Variants in UBR4 observed in about 807,000 individuals in gnomAD.
The protein encoded by UBR4 is E3 ubiquitin-protein ligase UBR4.
In UBR4, 124 loss-of-function variants were observed where a neutral mutation model predicts 575.6. The ratio of observed to expected loss-of-function variants is 0.22; its 90% CI spans 0.19 to 0.25. UBR4 has a LOEUF of 0.25. Among genes scored for constraint, UBR4 ranks in the 10% least tolerant of loss-of-function variants. The pLI, the probability that UBR4 is intolerant of heterozygous loss-of-function variation, is 1.00. For synonymous variants in UBR4, 2,455 were observed against 2,473.7 expected (o/e 0.99, Z 0.22); for missense variants, 4,818 against 6,478.8 (o/e 0.74, Z 8.80).
Position 19,117,904 on chromosome 1 carries a change from C to A in UBR4, c.10548G>T (p.Leu3516Phe). 6.2e-7 allele frequency: 1 copy of A among 1,614,132 alleles called. No homozygotes were observed. The highest frequency in any genetic ancestry group is 8.5e-7 in the Non-Finnish European group (1 of 1,179,972). Residue 3516 changes from leucine to phenylalanine, a missense_variant, in exon 72 of 106, where the codon TTG becomes TTT. This residue lies in a region of UBR4 where 550 missense variants were observed against 791.5 expected (regional missense o/e 0.69). Transcript: ENST00000375254. This position sits in a 1 kb window ranked among gnomAD's most constrained non-coding sequence, Gnocchi z 4.0. Reference protein sequence around the residue: ...NHPNSNIYNTLSGLVEFDGYY... With the variant: ...NHPNSNIYNTFSGLVEFDGYY... ...AGCCATCAAACTCCACTAAGCCAGA[C>A]AAAGTGCTAAGGAAGAAACCAGTCT... is the stretch of plus-strand genomic sequence containing the variant.
At chr1:19,132,019 G>A (rs747582932) in intron 60 of UBR4, among the ~76,000 whole-genome samples, 2 of 152,178 alleles carry the variant, frequency 1.3e-5, no homozygotes, top group Non-Finnish European at 2.9e-5. Flanking sequence ...TATCCCATGG[G>A]CCAAAGACTA....
intron 77 of UBR4, 81 bp downstream of exon 77, chr1:19,113,616 TGA>T: frequency 6.4e-7 from 1 of 1,573,916 alleles, no homozygotes; most frequent in Non-Finnish European, 8.6e-7. Flanking sequence ...GACTGCTAGA[TGA>T]GAGAGCAGCA....
In UBR4 at chr1:19,117,417, A is replaced by G; in HGVS notation, c.10630-3T>C. 1 of 1,613,994 alleles carries G rather than the reference A, an allele frequency of 6.2e-7. No individual in the cohort carries two copies. On this transcript the variant is annotated splice_polypyrimidine_tract_variant and splice_region_variant and intron_variant, in intron 72 of 105. Coordinates refer to ENST00000375254, the MANE Select transcript of UBR4 (RefSeq NM_020765.3). The surrounding 1 kb of genome is among the most constrained non-coding windows in gnomAD (Gnocchi z 4.0). ...TTAATGGAAGACAGCTTGATATACT[A>G]AATACAAGAGTTCACAAAACATGGT...
At chr1:19,116,185 T>C (rs946978791) in intron 73 of UBR4, among the ~76,000 whole-genome samples, 1 of 152,244 alleles carries the variant, frequency 6.6e-6, no homozygotes, top group Admixed American at 6.5e-5. Flanking sequence ...ACCTGACACA[T>C]ACTAACTCAT....
Position 19,139,009 on chromosome 1 carries a change from A to C in UBR4, c.8731+74T>G. 6.7e-7 allele frequency: 1 copy of C among 1,489,468 alleles called. No individual in the cohort carries two copies. The highest frequency in any genetic ancestry group is 1.4e-5 in the South Asian group (1 of 73,668). 92.3% of individuals were successfully genotyped at this position (1,489,468 alleles called of 1,614,324 possible). A position where few individuals can be genotyped will look rare whatever the true frequency, so the allele number is the denominator to read the frequency against. ...CTTTTCTTTGCAAAAACCAACCCCA[A>C]GACCCAAGCAGAGATTCCTGTTTTG... On this transcript the variant is annotated intron_variant, in intron 59 of 105. Transcript: ENST00000375254. The surrounding 1 kb of genome is among the most constrained non-coding windows in gnomAD (Gnocchi z 4.2).
rs368227281 is a variant in UBR4 at position 19,177,560 on chromosome 1, A to G, written c.2538T>C (p.Ala846=). 6.2e-6 allele frequency: 10 copies of G among 1,613,976 alleles called. No individual in the cohort carries two copies. In the African/African-American group the frequency reaches 9.3e-5, roughly 15 times the overall value. ...AGATAAGCGGCACGAAGCGCATCTG[A>G]GCATCCATGTTGACGCTCAACTCCT... ...IIQELSVNMD[A]QMRFVPLILA... Residue 846 remains alanine, a synonymous_variant, in exon 19 of 106, where the codon GCT becomes GCC. Coordinates refer to ENST00000375254, the MANE Select transcript of UBR4 (RefSeq NM_020765.3).
At position 19,210,059 on chromosome 1, in the gene UBR4, C is replaced by T. The variant is rs774981247; in HGVS notation, c.176+14G>A. The stretch of plus-strand genomic sequence containing the variant: ...CCCACAACAGCGTCGCCCGCCAGAG[C>T]CGCCGCCCGGTACCTCTCGATGACT... On this transcript the variant is annotated intron_variant, in intron 1 of 105. Coordinates refer to ENST00000375254, the MANE Select transcript of UBR4 (RefSeq NM_020765.3). 1.8e-5 allele frequency: 27 copies of T among 1,536,878 alleles called. No homozygotes were observed. The African/African-American group carries it at 3.0e-4, about 17-fold the overall frequency.
chr1:19,084,179 G>A (rs545512253), intron 102 of UBR4, among the ~76,000 whole-genome samples: 13 of 152,342 alleles, frequency 8.5e-5, no homozygotes, highest in African/African-American at 1.9e-4. Context: ...AGAAGTAGCC[G>A]CTGCATCGAA....
intron 1 of UBR4, among the ~76,000 whole-genome samples, chr1:19,203,029 C>T (rs1473779456): frequency 1.3e-5 from 2 of 151,334 alleles, no homozygotes; most frequent in East Asian, 1.9e-4. Context: ...TGCAGTGAGC[C>T]GAGATCGGGC....
At chr1:19,076,401 G>T (rs1443646553) in intron 105 of UBR4, among the ~76,000 whole-genome samples, 1 of 152,126 alleles carries the variant, frequency 6.6e-6, no homozygotes, top group Non-Finnish European at 1.5e-5. Flanking sequence ...ATGTTCCCTT[G>T]GCCACTTATT....
rs1018818565 is a variant in UBR4 at position 19,184,116 on chromosome 1, C to T, written c.1998G>A (p.Arg666=). ...NFITSSMLNS[R]NNFIRNYLSV... ...TCAGATAGTTTCGGATAAAATTGTT[C>T]CGAGAGTTCAGCATGGAAGAGGTGA... The change falls in exon 16 of 106, where the codon CGG becomes CGA. Residue 666 remains arginine (R), a synonymous_variant. Coordinates refer to ENST00000375254, the MANE Select transcript of UBR4 (RefSeq NM_020765.3). The T allele has an allele frequency of 6.2e-7, 1 of 1,614,078 alleles. No homozygotes were observed. Among genetic ancestry groups the T allele is most frequent in the Non-Finnish European group, 8.5e-7 (1 of 1,179,996 alleles).
At chr1:19,176,543 C>T in intron 20 of UBR4, 49 bp downstream of exon 20, 1 of 1,596,164 alleles carries the variant, frequency 6.3e-7, no homozygotes, top group Non-Finnish European at 8.6e-7. Flanking sequence ...TTCAACCCCA[C>T]CAATGAGAAT....
At chr1:19,194,539 C>T (rs1436179348) in intron 8 of UBR4, among the ~76,000 whole-genome samples, 2 of 152,140 alleles carry the variant, frequency 1.3e-5, no homozygotes. Flanking sequence ...CGGTGGCTCA[C>T]GCCTGTAATC....
rs12565711 is a variant in UBR4, at chr1:19,100,408, C to A, written c.13189G>T (p.Val4397Leu). The A allele has an allele frequency of 6.2e-7, 1 of 1,614,190 alleles. No homozygotes were observed. Among genetic ancestry groups the A allele is most frequent in the Non-Finnish European group, 8.5e-7 (1 of 1,180,032 alleles). ...KNKICQDCDLVALLEDDSGME... is the reference protein window; with the variant it reads ...KNKICQDCDLLALLEDDSGME... ...CCACTGTCATCTTCCAGGAGGGCCA[C>A]TAAGTCACAGTCCTGGCAAATCTTG... Residue 4397 changes from valine to leucine, a missense_variant, in exon 89 of 106, where the codon GTG becomes TTG. Coordinates refer to ENST00000375254, the MANE Select transcript of UBR4 (RefSeq NM_020765.3). The surrounding 1 kb of genome is among the most constrained non-coding windows in gnomAD (Gnocchi z 4.2).
Position 19,184,190 on chromosome 1 carries a change from C to T in UBR4, c.1939-15G>A. The T allele has an allele frequency of 6.2e-7, 1 of 1,609,904 alleles. No homozygotes were observed. The highest frequency in any genetic ancestry group is 2.2e-5 in the East Asian group (1 of 44,856). ...AGACCTAAGAACTGAAAGGAACACA[C>T]ACAAAAAAGCTCTTATCAGGGTCAT... On this transcript the variant is annotated splice_polypyrimidine_tract_variant and intron_variant, in intron 15 of 105. Transcript: ENST00000375254.
chr1:19,106,876 C>T lies in UBR4; in HGVS notation c.12196G>A (p.Ala4066Thr). The change falls in exon 82 of 106, where the codon GCA becomes ACA. Residue 4066 changes from alanine (A) to threonine (T), a missense_variant. Ala to Thr is a moderately conservative substitution (Grantham distance 58). Around this residue, in one of 29 missense-constraint regions of UBR4, gnomAD observed 333 missense variants for 459.2 expected, o/e 0.73. Transcript: ENST00000375254. ...CACTTCTTCCAGGCATCATAGGATG[C>T]CTTGGGGTCTCTCTTGAGCCACAGT... ...AQLWLKRDPK[A>T]SYDAWKKCLP... 2.5e-6 allele frequency: 4 copies of T among 1,613,886 alleles called. No individual in the cohort carries two copies. Among genetic ancestry groups the T allele is most frequent in the Non-Finnish European group, 3.4e-6 (4 of 1,179,994 alleles).
chr1:19,121,413 TGGA>T lies in UBR4; in HGVS notation c.9914_9916del (p.Leu3305del), dbSNP rs759276345. On this transcript the variant is annotated inframe_deletion, in exon 68 of 106. Coordinates refer to ENST00000375254, the MANE Select transcript of UBR4 (RefSeq NM_020765.3). ...GCCCTCATCCACAAGGAAACTGACT[TGGA>T]GGAGGAAGTACAGGACGGCTGCAAG... is the stretch of plus-strand genomic sequence containing the variant. The T allele has an allele frequency of 1.2e-6, 2 of 1,613,862 alleles. No homozygotes were observed. The highest frequency in any genetic ancestry group is 1.1e-5 in the South Asian group (1 of 91,064).
chr1:19,209,978 G>T, intron 1 of UBR4, 95 bp downstream of exon 1: 7 of 1,386,288 alleles, frequency 5.0e-6, no homozygotes, highest in Non-Finnish European at 6.6e-6. Flanking sequence ...ATCCTCAAGG[G>T]GGCAGGGGGC....
rs1399483568 is a variant in UBR4, at chr1:19,121,209, T to G, written c.10121A>C (p.Glu3374Ala). The change falls in exon 68 of 106, where the codon GAA (glutamate) becomes GCA (alanine). Residue 3374 changes from glutamate to alanine, a missense_variant. By Grantham distance (107) the Glu-to-Ala change is moderately radical. Around this residue, in one of 29 missense-constraint regions of UBR4, gnomAD observed 550 missense variants for 791.5 expected, o/e 0.69. Transcript: ENST00000375254. ...KSSTKKSKKE[E>A]KEKEKDGETS... is the part of the protein sequence containing the mutation. ...CTTACCATCTTTCTCCTTTTCTTTT[T>G]CTTCTTTCTTGCTCTTTTTAGTGGA... The G allele has an allele frequency of 6.2e-7, 1 of 1,614,066 alleles. No individual in the cohort carries two copies.
Sources: allele counts gnomAD v4.1 joint callset (sites outside exome capture counted in the v4.1 genomes callset), GRCh38; gene constraint gnomAD v4.1.1; regional missense constraint gnomAD v4.1.1; non-coding constraint Gnocchi (gnomAD v3.1); transcripts MANE v1.5; gene names NCBI Gene and HGNC (gene_info 2026-07-23, HGNC 2026-07-21).